The following TPRG1 variants were observed in gnomAD, a reference collection of about 807,000 sequenced individuals.
TPRG1 encodes the protein tumor protein p63-regulated gene 1 protein.
Under a neutral mutation model 29.3 loss-of-function variants are expected in TPRG1, and 29 were observed. The observed-to-expected ratio is 0.99, with a 90% CI of 0.74 to 1.35. TPRG1 has a LOEUF of 1.35. TPRG1 is among the 40% of genes most tolerant of loss of function. The pLI, the probability that TPRG1 is intolerant of heterozygous loss-of-function variation, is 0.00. For missense variants in TPRG1, 327 were observed against 335.0 expected, an observed-to-expected ratio of 0.98 and a Z score of 0.19; for synonymous variants, 130 against 116.8, an observed-to-expected ratio of 1.11 and a Z score of -0.73.
chr3:189,254,168 T>C (rs1742704200), intron 4 of TPRG1, among the ~76,000 whole-genome samples: 2 of 152,240 alleles, frequency 1.3e-5, no homozygotes, highest in African/African-American at 2.4e-5. Context: ...TATGTTTAAT[T>C]CTTTAATCCG....
At chr3:189,292,132 A>G (rs1232171632) in intron 4 of TPRG1, among the ~76,000 whole-genome samples, 1 of 152,240 alleles carries the variant, frequency 6.6e-6, no homozygotes. Context: ...GATTCTAAAT[A>G]TAGCAATAAG....
rs368973148 is a variant in TPRG1 at position 189,117,662 on chromosome 3, T to C, written c.-743-9395T>C. 1.2e-4 allele frequency among the ~76,000 whole-genome samples: 19 copies of C among 152,318 alleles called. No homozygotes were observed. The East Asian group carries it at 3.1e-3, about 25-fold the overall frequency. ...AGTAGTTTCCCACATGCTGTTCTTG[T>C]GATAATGAGTGAGTCTCACAAGATC... On this transcript the variant is annotated intron_variant, in intron 1 of 6. Transcript: ENST00000412373.
chr3:189,195,984 G>T (rs1167525671), intron 1 of TPRG1, among the ~76,000 whole-genome samples: 3 of 152,154 alleles, frequency 2.0e-5, no homozygotes, highest in Admixed American at 1.3e-4. Context: ...GTAAAGAGTA[G>T]AGTGCTAGGG....
At chr3:189,104,399 C>T (rs1008860140) in intron 1 of TPRG1, among the ~76,000 whole-genome samples, 3 of 152,046 alleles carry the variant, frequency 2.0e-5, no homozygotes, top group African/African-American at 7.2e-5. Context: ...TTTATTACAG[C>T]AGATTATCTT....
chr3:189,097,681 G>A (rs533269592), upstream of TPRG1, among the ~76,000 whole-genome samples: 60 of 152,226 alleles, frequency 3.9e-4, no homozygotes, highest in Admixed American at 1.3e-3. Flanking sequence ...GAAAAATATG[G>A]CCTGATTTGG....
At chr3:189,244,620 AACTC>A (rs1741111432) in intron 4 of TPRG1, among the ~76,000 whole-genome samples, 1 of 152,204 alleles carries the variant, frequency 6.6e-6, no homozygotes, top group African/African-American at 2.4e-5. Context: ...ATCTTACAAG[AACTC>A]ACTCACTATC....
intron 3 of TPRG1, among the ~76,000 whole-genome samples, chr3:189,018,767 G>A (rs1321897870): frequency 6.6e-6 from 1 of 150,532 alleles, no homozygotes; most frequent in Admixed American, 6.6e-5. Flanking sequence ...ATTCTGTGAA[G>A]AAAGTCATTG....
At chr3:189,026,250 GGAGA>G (rs1302534604) in intron 4 of TPRG1, among the ~76,000 whole-genome samples, 1 of 152,132 alleles carries the variant, frequency 6.6e-6, no homozygotes, top group East Asian at 1.9e-4. Context: ...TTTTCTCTGT[GGAGA>G]GAGAGAGACA....
At chr3:189,105,230 G>A (rs775255144) in intron 1 of TPRG1, among the ~76,000 whole-genome samples, 22 of 151,988 alleles carry the variant, frequency 1.4e-4, no homozygotes, top group Non-Finnish European at 2.8e-4. Flanking sequence ...TAAATCTTTC[G>A]TTAAGGAGGC....
At chr3:189,149,925 A>G (rs1328456837) in intron 4 of TPRG1, among the ~76,000 whole-genome samples, 1 of 152,174 alleles carries the variant, frequency 6.6e-6, no homozygotes, top group Non-Finnish European at 1.5e-5. Context: ...TGTTTTCCAC[A>G]TGGTTGAATA....
chr3:189,292,835 G>A (rs1376867755), intron 4 of TPRG1, among the ~76,000 whole-genome samples: 2 of 152,146 alleles, frequency 1.3e-5, no homozygotes, highest in Admixed American at 1.3e-4. Context: ...AGCAGAGATG[G>A]CTGGCCAGAT....
intron 4 of TPRG1, among the ~76,000 whole-genome samples, chr3:189,056,031 CCCTTCCTTCCTTCCTT>C (rs1192339496): frequency 0.041 from 2,417 of 58,298 alleles, 75 homozygotes; most frequent in Non-Finnish European, 0.05. Flanking sequence ...TTCCCTCCCT[CCCTTCCTTCCTTCCTT>C]CCTTCCTTCC....
At chr3:189,032,819 T>C (rs1407123653) in intron 4 of TPRG1, among the ~76,000 whole-genome samples, 1 of 142,136 alleles carries the variant, frequency 7.0e-6, no homozygotes, top group Non-Finnish European at 1.5e-5. Context: ...CATTGTTCAA[T>C]TCCCACCTAT....
At chr3:189,272,715 C>CTTT (rs1491547405) in intron 4 of TPRG1, among the ~76,000 whole-genome samples, 1,104 of 95,136 alleles carry the variant, frequency 0.012, 16 homozygotes, top group African/African-American at 0.056. Context: ...CTTTCTTTCT[C>CTTT]CTTCCTTCCT....
chr3:189,244,517 T>C (rs1163396804), intron 4 of TPRG1, among the ~76,000 whole-genome samples: 6 of 152,112 alleles, frequency 3.9e-5, no homozygotes, highest in African/African-American at 7.2e-5. Context: ...TTTCCAATCA[T>C]GGCAGAAGGA....
intron 4 of TPRG1, among the ~76,000 whole-genome samples, chr3:189,053,064 T>C (rs527345195): frequency 1.8e-4 from 27 of 152,306 alleles, no homozygotes; most frequent in South Asian, 1.7e-3. Flanking sequence ...ATACCACCTG[T>C]ATCCCAATAA....
At chr3:189,148,877 A>C (rs1431855877) in intron 4 of TPRG1, among the ~76,000 whole-genome samples, 1 of 152,212 alleles carries the variant, frequency 6.6e-6, no homozygotes, top group East Asian at 1.9e-4. Flanking sequence ...TCAGAGCCCG[A>C]AGAACTTCCA....
intron 4 of TPRG1, among the ~76,000 whole-genome samples, chr3:189,070,215 T>C (rs759136397): frequency 6.6e-6 from 1 of 152,036 alleles, no homozygotes; most frequent in Non-Finnish European, 1.5e-5. Flanking sequence ...AATGACAAAA[T>C]GTTAGAAATG....
At chr3:189,117,557 A>ACCCAAAT (rs1289005957) in intron 1 of TPRG1, among the ~76,000 whole-genome samples, 7 of 152,138 alleles carry the variant, frequency 4.6e-5, no homozygotes, top group African/African-American at 7.2e-5. Context: ...CTGTGTCCTC[A>ACCCAAAT]CCCAAATCTC....
Sources: gnomAD v4.1 joint callset for allele counts (sites outside exome capture counted in the v4.1 genomes callset) on GRCh38, gnomAD v4.1.1 for gene constraint, MANE v1.5 for transcripts, NCBI Gene and HGNC (gene_info 2026-07-23, HGNC 2026-07-21) for gene names.